Variants in RNF157 observed in about 807,000 individuals in gnomAD.
RNF157 encodes E3 ubiquitin ligase RNF157.
RNF157 carries 55 observed loss-of-function variants against 88.3 expected under a neutral mutation model. That is an observed-to-expected ratio of 0.62 (90% CI 0.50 to 0.78). The LOEUF is 0.78. RNF157 is among the 30% of genes least tolerant of loss of function. The pLI, the probability that RNF157 is intolerant of heterozygous loss-of-function variation, is 0.00. For synonymous variants in RNF157, 334 were observed against 341.2 expected (o/e 0.98, Z 0.23); for missense variants, 788 against 860.8 (o/e 0.92, Z 1.06).
chr17:76,156,131 C>A, intron 14 of RNF157, 79 bp downstream of exon 14: 1 of 1,128,512 alleles, frequency 8.9e-7, no homozygotes. Flanking sequence ...CTCCCATGTC[C>A]CTTCCCGGAA....
chr17:76,229,485 T>G (rs138970952), intron 1 of RNF157, among the ~76,000 whole-genome samples: 1 of 152,372 alleles, frequency 6.6e-6, no homozygotes, highest in African/African-American at 2.4e-5. Flanking sequence ...AGTGGGCAAC[T>G]GATAAATTTT....
chr17:76,201,524 A>T (rs1031581757), intron 2 of RNF157, among the ~76,000 whole-genome samples: 2 of 152,116 alleles, frequency 1.3e-5, no homozygotes, highest in Non-Finnish European at 2.9e-5. Context: ...AAAAAAATAA[A>T]GAAAATTTTA....
intron 1 of RNF157, among the ~76,000 whole-genome samples, chr17:76,216,936 A>AACCCCAT (rs1463304778): frequency 2.6e-5 from 4 of 151,970 alleles, no homozygotes; most frequent in Non-Finnish European, 5.9e-5. Context: ...ACAAACAAAA[A>AACCCCAT]ACCCCATAAA....
At position 76,145,211 on chromosome 17, in the gene RNF157, G is replaced by A; in HGVS notation, c.*24C>T. ...ATGGATGGAATGCAGGGCAGGAGGG[G>A]AGCCCAAGTGCAGAGGCTGGGGCTC... On this transcript the variant is annotated 3_prime_UTR_variant, in exon 19 of 19. Coordinates refer to ENST00000269391, the MANE Select transcript of RNF157 (RefSeq NM_052916.3). 6.7e-7 allele frequency: 1 copy of A among 1,482,790 alleles called. No homozygotes were observed. The highest frequency in any genetic ancestry group is 2.3e-5 in the East Asian group (1 of 43,802). The allele number at this position is 1,482,790 out of a possible 1,614,324, so 91.9% of individuals were successfully genotyped here.
In RNF157 at chr17:76,158,410, C is replaced by A. The variant is rs1351367509; in HGVS notation, c.1396G>T (p.Val466Phe). The change falls in exon 13 of 19, where the codon GTT becomes TTT. Residue 466 changes from valine (V) to phenylalanine (F), a missense_variant. Transcript: ENST00000269391. The stretch of plus-strand genomic sequence containing the variant: ...TCAATTACCTCTCCGAGATGCTGAA[C>A]CGACGGTCTCTGAGAGAGCTGTGTC... ...SETQLSQRPS[V>F]QHLGEECGVT... 1 of 1,612,348 alleles carries A rather than the reference C, an allele frequency of 6.2e-7. No individual in the cohort carries two copies. Among genetic ancestry groups the A allele is most frequent in the Admixed American group, 1.7e-5 (1 of 59,998 alleles).
chr17:76,156,535 T>C (rs1337020364), intron 13 of RNF157: 1 of 985,180 alleles, frequency 1.0e-6, no homozygotes, highest in African/African-American at 1.7e-5. Flanking sequence ...CACACTTCAG[T>C]CAACACCTCC....
chr17:76,223,764 T>C (rs966978569), intron 1 of RNF157, among the ~76,000 whole-genome samples: 4 of 152,060 alleles, frequency 2.6e-5, no homozygotes, highest in Non-Finnish European at 5.9e-5. Flanking sequence ...TGGAATATAA[T>C]GAAACAAAAA....
intron 2 of RNF157, among the ~76,000 whole-genome samples, chr17:76,188,796 T>C (rs538898606): frequency 6.6e-6 from 1 of 152,274 alleles, no homozygotes; most frequent in African/African-American, 2.4e-5. Flanking sequence ...GAATACATCA[T>C]GGAAAGGGGA....
intron 2 of RNF157, among the ~76,000 whole-genome samples, chr17:76,185,053 T>A (rs1055338852): frequency 9.9e-5 from 15 of 152,170 alleles, no homozygotes; most frequent in Non-Finnish European, 1.6e-4. Context: ...ATGGCATAGA[T>A]CTTGGTAATG....
Position 76,167,042 on chromosome 17 carries a change from G to T in RNF157, c.528C>A (p.His176Gln). The T allele has an allele frequency of 6.2e-7, 1 of 1,612,262 alleles. No individual in the cohort carries two copies. Among genetic ancestry groups the T allele is most frequent in the East Asian group, 2.2e-5 (1 of 44,822 alleles). ...GVCQQFCLPS[H>Q]TVDPSEWAEE... The stretch of plus-strand genomic sequence containing the variant: ...CGGCCCACTCGGAGGGATCCACGGT[G>T]TGGGAGGGCAGGCAGAACTGCTGAC... Residue 176 changes from histidine (H) to glutamine (Q), a missense_variant, in exon 5 of 19, where the codon CAC (histidine) becomes CAA (glutamine). His to Gln is a conservative substitution (Grantham distance 24). Transcript: ENST00000269391.
chr17:76,181,250 A>G (rs1247009637), intron 2 of RNF157, among the ~76,000 whole-genome samples: 1 of 152,180 alleles, frequency 6.6e-6, no homozygotes, highest in Non-Finnish European at 1.5e-5. Flanking sequence ...CATGGCAAAC[A>G]GTACTGAATT....
In RNF157 at chr17:76,167,819, ATT is replaced by A. The variant is rs1212352402; in HGVS notation, c.297-24_297-23del. 8.1e-6 allele frequency: 13 copies of A among 1,607,234 alleles called. No individual in the cohort carries two copies. The South Asian group carries it at 1.4e-4, about 18-fold the overall frequency. On this transcript the variant is annotated intron_variant, in intron 3 of 18. Transcript: ENST00000269391. ...ACATCTAGAAAACCAGAGACTCAGC[ATT>A]TGCAGAGTAGCATATCAATATTTTA...
chr17:76,235,293 G>C (rs895453947), intron 1 of RNF157, among the ~76,000 whole-genome samples: 3 of 152,000 alleles, frequency 2.0e-5, no homozygotes, highest in African/African-American at 7.3e-5. Flanking sequence ...CGCCTCCTGG[G>C]TTCACATCAT....
rs751949547 is a variant in RNF157 at position 76,195,109 on chromosome 17, G to A, written c.207+17255C>T. 3.7e-4 allele frequency among the ~76,000 whole-genome samples: 57 copies of A among 152,292 alleles called. No homozygotes were observed. Among genetic ancestry groups the A allele is most frequent in the African/African-American group, 1.3e-3 (53 of 41,558 alleles). The stretch of plus-strand genomic sequence containing the variant: ...AAACACACACTGACAAGTGGAAAGC[G>A]ATTCAGGAGAACAGAAAGGGCCGAA... On this transcript the variant is annotated intron_variant, in intron 2 of 18. Transcript: ENST00000269391. This position sits in a 1 kb window ranked among gnomAD's most constrained non-coding sequence, Gnocchi z 4.4.
chr17:76,209,326 C>G (rs1231296121), intron 2 of RNF157, among the ~76,000 whole-genome samples: 1 of 152,200 alleles, frequency 6.6e-6, no homozygotes, highest in Non-Finnish European at 1.5e-5. Context: ...CATAGGCAAA[C>G]TTAGGAAAAG....
chr17:76,146,600 GAGGCATCTCTGGCC>G lies in RNF157; in HGVS notation c.1922-1261_1922-1248del. 1 of 985,458 alleles carries G rather than the reference GAGGCATCTCTGGCC, an allele frequency of 1.0e-6. No individual in the cohort carries two copies. Among genetic ancestry groups the G allele is most frequent in the Non-Finnish European group, 1.2e-6 (1 of 829,934 alleles). 61.0% of individuals were successfully genotyped at this position (985,458 alleles called of 1,614,324 possible). ...GTGTCTCCCAGTGGCCTCCCCTCAC[GAGGCATCTCTGGCC>G]GGGGGAGGCCCAGTGTGCTCCTAAG... On this transcript the variant is annotated intron_variant, in intron 18 of 18. Transcript: ENST00000269391. This position sits in a 1 kb window ranked among gnomAD's most constrained non-coding sequence, Gnocchi z 4.2.
At chr17:76,177,542 G>A (rs2069124566) in intron 2 of RNF157, among the ~76,000 whole-genome samples, 1 of 151,954 alleles carries the variant, frequency 6.6e-6, no homozygotes, top group Admixed American at 6.6e-5. Flanking sequence ...GAGAGGCGAG[G>A]GGGTGCTGAG....
chr17:76,215,633 C>T (rs962514869), intron 1 of RNF157, among the ~76,000 whole-genome samples: 2 of 150,238 alleles, frequency 1.3e-5, no homozygotes, highest in Non-Finnish European at 3.0e-5. Flanking sequence ...AAAACTGAAC[C>T]AAACATTCAT....
chr17:76,204,757 T>C (rs1108127), intron 2 of RNF157, among the ~76,000 whole-genome samples: 1,688 of 151,206 alleles, frequency 0.011, 21 homozygotes, highest in South Asian at 0.05. Flanking sequence ...ACTGTATGCA[T>C]CTTATTTCTT....
Sources: gnomAD v4.1 joint callset for allele counts (sites outside exome capture counted in the v4.1 genomes callset) on GRCh38, gnomAD v4.1.1 for gene constraint, Gnocchi (gnomAD v3.1) non-coding constraint, MANE v1.5 for transcripts, NCBI Gene and HGNC (gene_info 2026-07-23, HGNC 2026-07-21) for gene names.